Variants in SETD4 observed in about 807,000 individuals in gnomAD.
The protein encoded by SETD4 is SET domain-containing protein 4.
A neutral mutation model predicts 58.3 loss-of-function variants in SETD4; 46 were observed. The ratio of observed to expected loss-of-function variants is 0.79; its 90% CI spans 0.62 to 1.01. SETD4 has a LOEUF of 1.01. Among genes scored for constraint, SETD4 ranks in the 50% least tolerant of loss-of-function variants. SETD4 has a pLI of 0.00. For synonymous variants in SETD4, 190 were observed against 202.6 expected (o/e 0.94, Z 0.53); for missense variants, 490 against 523.3 (o/e 0.94, Z 0.62).
At chr21:36,049,639 T>G (rs1233178549) in intron 4 of SETD4, among the ~76,000 whole-genome samples, 3 of 152,238 alleles carry the variant, frequency 2.0e-5, no homozygotes, top group African/African-American at 7.2e-5. Flanking sequence ...TTAAGCTGGA[T>G]GATCACTATG....
intron 4 of SETD4, chr21:36,050,554 T>G (rs1198616816): frequency 6.2e-7 from 1 of 1,613,936 alleles, no homozygotes; most frequent in Non-Finnish European, 8.5e-7. Context: ...CTGAACTGCG[T>G]TAATAAGTTC....
rs757943666 is a variant in SETD4, at chr21:36,035,106, G to C, written c.*887C>G. ...CAGGACTCTGGGCAACATTGTCTAA[G>C]CGGCGTCCCCAGCACGGGCCTGAAC... On this transcript the variant is annotated 3_prime_UTR_variant, in exon 12 of 12. Coordinates refer to ENST00000332131, the MANE Select transcript of SETD4 (RefSeq NM_017438.5). The C allele has an allele frequency of 6.6e-6, 1 of 152,238 alleles. No homozygotes were observed. Among genetic ancestry groups the C allele is most frequent in the African/African-American group, 2.4e-5 (1 of 41,448 alleles). 9.4% of individuals were successfully genotyped at this position (152,238 alleles called of 1,614,324 possible).
Position 36,053,768 on chromosome 21 carries a change from G to C in SETD4, c.170-148C>G, listed in dbSNP as rs927100989. The C allele has an allele frequency of 3.4e-5, 26 of 774,204 alleles. No homozygotes were observed. The African/African-American group carries it at 4.4e-4, about 13-fold the overall frequency. The allele number at this position is 774,204 out of a possible 1,614,324, so 48.0% of individuals were successfully genotyped here. ...CAGCCTTTGATTCCCAGGGGAAACA[G>C]GGAGTCAGAAAGCTATTCCAGAAAA... is the stretch of plus-strand genomic sequence containing the variant. On this transcript the variant is annotated intron_variant, in intron 3 of 11. Transcript: ENST00000332131.
chr21:36,060,259 G>T, intron 1 of SETD4, 88 bp downstream of exon 1: 1 of 445,672 alleles, frequency 2.2e-6, no homozygotes, highest in Non-Finnish European at 3.0e-6. Context: ...TTACGCTGAT[G>T]AATGAAAGAC....
chr21:36,043,888 A>G lies in SETD4; in HGVS notation c.795T>C (p.His265=). 5 of 1,614,240 alleles carry G rather than the reference A, an allele frequency of 3.1e-6. No individual in the cohort carries two copies. In the South Asian group the frequency reaches 4.4e-5, roughly 14 times the overall value. The change falls in exon 7 of 12, where the codon CAT becomes CAC. Residue 265 remains histidine, a synonymous_variant. Transcript: ENST00000332131. The part of the protein sequence containing the change: ...EIRTTSRWRK[H]EEVFICYGPH... ...GGCCGTAACAGATGAATACCTCTTC[A>G]TGCTTTCTCCAACGTGAAGTCGTTC...
intron 2 of SETD4, chr21:36,057,439 G>A: frequency 1.5e-6 from 1 of 678,470 alleles, no homozygotes; most frequent in Non-Finnish European, 2.7e-6. Context: ...GAGGCCAGGA[G>A]TTTGAGCCCA....
intron 7 of SETD4, chr21:36,043,167 A>T (rs1443978843): frequency 2.0e-5 from 3 of 152,470 alleles, no homozygotes; most frequent in African/African-American, 7.2e-5. Context: ...AGGCTAAGGC[A>T]CAAGAATCAC....
chr21:36,041,139 G>A (rs1203343359), intron 8 of SETD4, among the ~76,000 whole-genome samples: 3 of 131,096 alleles, frequency 2.3e-5, no homozygotes, highest in South Asian at 5.2e-4. Context: ...CAGCCTGGGC[G>A]ACAGAGCAAG....
intron 2 of SETD4, among the ~76,000 whole-genome samples, chr21:36,058,127 A>G (rs1051730931): frequency 6.6e-6 from 1 of 152,260 alleles, no homozygotes; most frequent in African/African-American, 2.4e-5. Flanking sequence ...AGTTGAAACA[A>G]TGAGTTAGTT....
intron 6 of SETD4, among the ~76,000 whole-genome samples, chr21:36,045,189 G>A (rs74543520): frequency 0.042 from 6,423 of 152,280 alleles, 209 homozygotes; most frequent in African/African-American, 0.089. Flanking sequence ...AGCGATCAGA[G>A]CGAAGAGAAA....
rs2063727141 is a variant in SETD4, at chr21:36,034,700, T to C, written c.*1293A>G. The C allele has an allele frequency of 6.6e-6, 1 of 152,184 alleles. No individual in the cohort carries two copies. Among genetic ancestry groups the C allele is most frequent in the Non-Finnish European group, 1.5e-5 (1 of 68,028 alleles). 9.4% of individuals were successfully genotyped at this position (152,184 alleles called of 1,614,324 possible). A position where few individuals can be genotyped will look rare whatever the true frequency, so the allele number is the denominator to read the frequency against. Reference sequence around the variant, plus strand: ...CCCACCACCTGTCGTTGTCAGTAGTTTCCCTGGAGCCCAGCCATGCAAATG... The same window carrying C: ...CCCACCACCTGTCGTTGTCAGTAGTCTCCCTGGAGCCCAGCCATGCAAATG... On this transcript the variant is annotated 3_prime_UTR_variant, in exon 12 of 12. Transcript: ENST00000332131.
intron 9 of SETD4, 144 bp downstream of exon 9, chr21:36,040,431 A>T: frequency 1.5e-6 from 1 of 671,548 alleles, no homozygotes; most frequent in Non-Finnish European, 2.7e-6. Context: ...CAAGTTACAT[A>T]ATGAGAAAGC....
intron 4 of SETD4, chr21:36,051,281 T>A: frequency 6.3e-7 from 1 of 1,594,120 alleles, no homozygotes; most frequent in South Asian, 1.1e-5. Flanking sequence ...ACAGTGACCC[T>A]GAAAGCATGG....
intron 9 of SETD4, among the ~76,000 whole-genome samples, chr21:36,040,081 G>A (rs2063973672): frequency 6.6e-6 from 1 of 152,070 alleles, no homozygotes; most frequent in African/African-American, 2.4e-5. Context: ...ACTGACAGCA[G>A]GCAGGAACAT....
rs1054157178 is a variant in SETD4 at position 36,035,369 on chromosome 21, G to A, written c.*624C>T. On this transcript the variant is annotated 3_prime_UTR_variant, in exon 12 of 12. Transcript: ENST00000332131. ...GATGAGCCAGCTCCCCAGGTGGAAAGGCCTGCCCAGGAAAGTCGCCAGAAC... is the reference window on the plus strand; with the variant it reads ...GATGAGCCAGCTCCCCAGGTGGAAAAGCCTGCCCAGGAAAGTCGCCAGAAC... 2.6e-5 allele frequency: 4 copies of A among 152,586 alleles called. No homozygotes were observed. Among genetic ancestry groups the A allele is most frequent in the African/African-American group, 9.6e-5 (4 of 41,468 alleles). The allele number at this position is 152,586 out of a possible 1,614,324, so 9.5% of individuals were successfully genotyped here. A position where few individuals can be genotyped will look rare whatever the true frequency, so the allele number is the denominator to read the frequency against.
chr21:36,040,494 A>G (rs2063995207), intron 9 of SETD4, 81 bp downstream of exon 9: 3 of 1,243,412 alleles, frequency 2.4e-6, no homozygotes, highest in Non-Finnish European at 3.5e-6. Flanking sequence ...TCTGAATGCA[A>G]GCCAAAAACA....
At chr21:36,050,911 T>C in intron 4 of SETD4, 1 of 1,610,374 alleles carries the variant, frequency 6.2e-7, no homozygotes, top group South Asian at 1.1e-5. Flanking sequence ...AACTGCTCAT[T>C]AGGTGGTGTG....
rs1476086601 is a variant in SETD4, at chr21:36,051,518, T to G, written c.207+2065A>C. 3 of 1,269,262 alleles carry G rather than the reference T, an allele frequency of 2.4e-6. No homozygotes were observed. In the East Asian group the frequency reaches 7.9e-5, roughly 34 times the overall value. The allele number at this position is 1,269,262 out of a possible 1,614,324, so 78.6% of individuals were successfully genotyped here. A position where few individuals can be genotyped will look rare whatever the true frequency, so the allele number is the denominator to read the frequency against. On this transcript the variant is annotated intron_variant, in intron 4 of 11. Transcript: ENST00000332131. ...AATTAGTAGGATTAGTTGGAGAGAGTGGGAGATAGACGAGACCCCCGCTAG... is the reference window on the plus strand; with the variant it reads ...AATTAGTAGGATTAGTTGGAGAGAGGGGGAGATAGACGAGACCCCCGCTAG...
intron 10 of SETD4, chr21:36,036,710 C>T (rs77129165): frequency 0.016 from 13,113 of 814,430 alleles, 195 homozygotes; most frequent in African/African-American, 0.067. Context: ...AGAAAGAATG[C>T]TTGAAGTCAC....
Sources: allele counts gnomAD v4.1 joint callset (sites outside exome capture counted in the v4.1 genomes callset), GRCh38; gene constraint gnomAD v4.1.1; transcripts MANE v1.5; gene names NCBI Gene and HGNC (gene_info 2026-07-23, HGNC 2026-07-21).